PRKG1: variants seen among roughly 807,000 people sequenced by gnomAD.
The protein encoded by PRKG1 is cGMP-dependent protein kinase 1.
A neutral mutation model predicts 88.1 loss-of-function variants in PRKG1; 35 were observed. The ratio of observed to expected loss-of-function variants is 0.40; its 90% confidence interval spans 0.30 to 0.53. PRKG1 has a LOEUF of 0.53. PRKG1 is among the 20% of genes least tolerant of loss of function. The pLI is 0.59. For synonymous variants in PRKG1, 303 were observed against 292.5 expected (o/e 1.04, Z -0.37); for missense variants, 540 against 839.8 (o/e 0.64, Z 4.41).
At chr10:52,291,538 G>A (rs1377861409) in intron 17 of PRKG1, among the ~76,000 whole-genome samples, 2 of 151,616 alleles carry the variant, frequency 1.3e-5, no homozygotes, top group African/African-American at 4.8e-5. Flanking sequence ...AGTTTACTGA[G>A]AAATGATTTC....
intron 4 of PRKG1, among the ~76,000 whole-genome samples, chr10:51,852,213 G>GTATATATATATATATATATA (rs10650535): frequency 9.8e-5 from 14 of 143,286 alleles, no homozygotes; most frequent in African/African-American, 2.4e-4. Context: ...TTTTATATGT[G>GTATATATATATATATATATA]TATATATATA....
intron 2 of PRKG1, among the ~76,000 whole-genome samples, chr10:51,452,555 A>G (rs1260124904): frequency 6.6e-6 from 1 of 151,748 alleles, no homozygotes; most frequent in Admixed American, 6.6e-5. Context: ...TGATCATATG[A>G]TTTTTGTTTT....
intron 9 of PRKG1, among the ~76,000 whole-genome samples, chr10:52,192,909 G>A (rs1839403097): frequency 6.6e-6 from 1 of 151,890 alleles, no homozygotes; most frequent in Non-Finnish European, 1.5e-5. Flanking sequence ...AGACAGTTGA[G>A]GCAAAAGGCT....
chr10:51,284,083 G>A (rs1840371020), intron 2 of PRKG1, among the ~76,000 whole-genome samples: 1 of 151,858 alleles, frequency 6.6e-6, no homozygotes, highest in African/African-American at 2.4e-5. Flanking sequence ...TGAAGAATTT[G>A]GAAATAAAAT....
intron 5 of PRKG1, among the ~76,000 whole-genome samples, chr10:51,925,761 A>G (rs1294792629): frequency 2.6e-5 from 4 of 151,982 alleles, no homozygotes; most frequent in Non-Finnish European, 5.9e-5. Context: ...TGCCCCTAAA[A>G]CTGAACCCCA....
At chr10:51,885,989 A>G (rs895222772) in intron 4 of PRKG1, among the ~76,000 whole-genome samples, 12 of 152,244 alleles carry the variant, frequency 7.9e-5, no homozygotes, top group African/African-American at 2.9e-4. Context: ...TGTCATCACA[A>G]GTATAGTTAC....
At chr10:51,178,547 G>A (rs570445350) in intron 2 of PRKG1, among the ~76,000 whole-genome samples, 20 of 152,204 alleles carry the variant, frequency 1.3e-4, no homozygotes, top group African/African-American at 4.8e-4. Context: ...TGAGGTGGGA[G>A]GATTACCTGA....
At chr10:51,118,579 C>T (rs966000303) in intron 1 of PRKG1, among the ~76,000 whole-genome samples, 3 of 152,056 alleles carry the variant, frequency 2.0e-5, no homozygotes, top group Admixed American at 6.6e-5. Context: ...TGAATTTTCT[C>T]GATAATTTCT....
intron 9 of PRKG1, among the ~76,000 whole-genome samples, chr10:52,224,826 T>C (rs1404261039): frequency 1.4e-5 from 2 of 140,314 alleles, no homozygotes; most frequent in South Asian, 4.7e-4. Context: ...TATATATATA[T>C]ATATATATAT....
chr10:51,288,070 T>A (rs1840487563), intron 2 of PRKG1, among the ~76,000 whole-genome samples: 1 of 152,090 alleles, frequency 6.6e-6, no homozygotes, highest in Non-Finnish European at 1.5e-5. Flanking sequence ...TCAATCATAA[T>A]TTAACTGTTC....
At chr10:51,133,512 T>C (rs1048137307) in intron 1 of PRKG1, among the ~76,000 whole-genome samples, 5 of 152,184 alleles carry the variant, frequency 3.3e-5, no homozygotes, top group African/African-American at 9.7e-5. Context: ...TATGGAATCA[T>C]GGACAAACAT....
intron 2 of PRKG1, among the ~76,000 whole-genome samples, chr10:51,167,911 G>A (rs2132001643): frequency 6.6e-6 from 1 of 152,230 alleles, no homozygotes; most frequent in Admixed American, 6.5e-5. Context: ...GTAGTGTTCT[G>A]CTGACTAAAC....
chr10:51,489,144 C>T (rs1468921966), intron 3 of PRKG1, among the ~76,000 whole-genome samples: 1 of 152,092 alleles, frequency 6.6e-6, no homozygotes, highest in African/African-American at 2.4e-5. Flanking sequence ...AAACAGCTAG[C>T]CTTCAAAGAC....
chr10:52,181,582 C>T (rs1392709028), intron 9 of PRKG1, among the ~76,000 whole-genome samples: 1 of 92,030 alleles, frequency 1.1e-5, no homozygotes, highest in African/African-American at 4.2e-5. Context: ...ATCCCTCCCC[C>T]CTCCCCCGAC....
chr10:51,435,894 G>T (rs968320100), intron 2 of PRKG1, among the ~76,000 whole-genome samples: 3 of 152,076 alleles, frequency 2.0e-5, no homozygotes, highest in Non-Finnish European at 4.4e-5. Context: ...TCTTGGTCCC[G>T]AGTATGTTAT....
chr10:51,305,651 A>T (rs1308639207), intron 2 of PRKG1, among the ~76,000 whole-genome samples: 1 of 152,138 alleles, frequency 6.6e-6, no homozygotes, highest in East Asian at 1.9e-4. Context: ...GAATGTGCTG[A>T]TTTCAGCGTC....
chr10:51,863,828 C>T lies in PRKG1; in HGVS notation c.699-43679C>T, dbSNP rs562415018. ...GGAGCACAAAATGGACTAAGATGGT[C>T]TCTTTATATTTCTTTCATGTTTAGC... On this transcript the variant is annotated intron_variant, in intron 4 of 17. Transcript: ENST00000373980. Among the ~76,000 whole-genome samples, 5 of 152,286 alleles carry T rather than the reference C, an allele frequency of 3.3e-5. No homozygotes were observed. The South Asian group carries it at 1.0e-3, about 32-fold the overall frequency.
intron 1 of PRKG1, among the ~76,000 whole-genome samples, chr10:51,013,965 A>T (rs1277189247): frequency 1.3e-5 from 2 of 152,234 alleles, no homozygotes; most frequent in Non-Finnish European, 2.9e-5. Context: ...AAACAGCCAT[A>T]ATAATATGCA....
intron 3 of PRKG1, among the ~76,000 whole-genome samples, chr10:51,500,312 G>T (rs1417436211): frequency 5.3e-5 from 8 of 152,118 alleles, no homozygotes; most frequent in African/African-American, 1.7e-4. Flanking sequence ...CCAATAAATA[G>T]TGCCATAGAA....
Sources: gnomAD v4.1 joint callset for allele counts (sites outside exome capture counted in the v4.1 genomes callset) on GRCh38, gnomAD v4.1.1 for gene constraint, MANE v1.5 for transcripts, NCBI Gene and HGNC (gene_info 2026-07-23, HGNC 2026-07-21) for gene names.